ICA1: variants seen among roughly 807,000 people sequenced by gnomAD.
ICA1 encodes islet cell autoantigen 1.
In ICA1, 40 loss-of-function variants were observed where a neutral mutation model predicts 71.0. The ratio of observed to expected loss-of-function variants is 0.56; its 90% CI spans 0.44 to 0.73. ICA1 has a LOEUF of 0.73. Among genes scored for constraint, ICA1 ranks in the 30% least tolerant of loss-of-function variants. The pLI is 0.00. For missense variants in ICA1, 578 were observed against 576.5 expected, an observed-to-expected ratio of 1.00 and a Z score of -0.03; for synonymous variants, 207 against 209.5, an observed-to-expected ratio of 0.99 and a Z score of 0.10.
rs143305909 is a variant in ICA1, at chr7:8,151,065, A to G, written c.804+6051T>C. ...GTTAAAGGAAATAGATTCACTTTCT[A>G]TATGTCAGTGCTGAACCTAGCAGTA... On this transcript the variant is annotated intron_variant, in intron 8 of 13. Transcript: ENST00000402384. Among the ~76,000 whole-genome samples, 251 of 152,364 alleles carry G rather than the reference A, an allele frequency of 1.6e-3. 1 individual carries two copies. Among genetic ancestry groups the G allele is most frequent in the African/African-American group, 5.9e-3 (244 of 41,576 alleles).
intron 1 of ICA1, among the ~76,000 whole-genome samples, chr7:8,261,790 G>A (rs1812539418): frequency 2.0e-5 from 3 of 152,178 alleles, no homozygotes; most frequent in Admixed American, 2.0e-4. Flanking sequence ...GGTGCTCCCA[G>A]CGCTGGGGCC....
Position 8,144,477 on chromosome 7 carries a change from TAAAA to T in ICA1, c.805-509_805-506del, listed in dbSNP as rs1268035310. On this transcript the variant is annotated intron_variant, in intron 8 of 13. Transcript: ENST00000402384. The surrounding 1 kb of genome is among the most constrained non-coding windows in gnomAD (Gnocchi z 4.5). ...AATAACAGAAAACAAAACCTTTTCT[TAAAA>T]AACCAAAAATAGTGGCTTAACATAT... is the stretch of plus-strand genomic sequence containing the variant. 2.0e-5 allele frequency among the ~76,000 whole-genome samples: 3 copies of T among 152,166 alleles called. No homozygotes were observed. The East Asian group carries it at 5.8e-4, about 29-fold the overall frequency.
intron 13 of ICA1, among the ~76,000 whole-genome samples, chr7:8,126,643 A>G (rs1789302277): frequency 6.6e-6 from 1 of 151,994 alleles, no homozygotes; most frequent in African/African-American, 2.4e-5. Context: ...TAATTGTTCC[A>G]GCTTTACCGT....
At chr7:8,174,925 G>A (rs116732522) in intron 6 of ICA1, among the ~76,000 whole-genome samples, 1 of 152,120 alleles carries the variant, frequency 6.6e-6, no homozygotes, top group South Asian at 2.1e-4. Flanking sequence ...GAGTGAGAAA[G>A]ACTTTAAACC....
chr7:8,152,777 TATCACCATCACCATCACCTCC>T (rs1799709004), intron 8 of ICA1, among the ~76,000 whole-genome samples: 6 of 75,966 alleles, frequency 7.9e-5, no homozygotes, highest in South Asian at 4.4e-4. Context: ...CCCCCACCAC[TATCACCATCACCATCACCTCC>T]ACCACCACCA....
intron 4 of ICA1, among the ~76,000 whole-genome samples, chr7:8,221,727 C>T (rs1398523375): frequency 1.3e-5 from 2 of 152,148 alleles, no homozygotes; most frequent in Non-Finnish European, 2.9e-5. Context: ...TTGGGTTTGT[C>T]AAGTATGACT....
intron 1 of ICA1, among the ~76,000 whole-genome samples, chr7:8,243,885 G>C (rs1178626044): frequency 6.6e-6 from 1 of 152,186 alleles, no homozygotes; most frequent in East Asian, 1.9e-4. Context: ...TCTTCAAGGA[G>C]AACTACAAAC....
At chr7:8,152,576 C>CACCACCATT (rs1562698869) in intron 8 of ICA1, among the ~76,000 whole-genome samples, 1 of 115,406 alleles carries the variant, frequency 8.7e-6, no homozygotes. Context: ...CCACCACCAC[C>CACCACCATT]ATCTCCTTCA....
intron 8 of ICA1, among the ~76,000 whole-genome samples, chr7:8,148,368 A>G (rs1797755431): frequency 6.6e-6 from 1 of 152,050 alleles, no homozygotes; most frequent in South Asian, 2.1e-4. Context: ...TCACTCACTG[A>G]TCCACCAAGA....
chr7:8,149,807 G>A (rs1798195567), intron 8 of ICA1, among the ~76,000 whole-genome samples: 1 of 152,128 alleles, frequency 6.6e-6, no homozygotes, highest in Non-Finnish European at 1.5e-5. Flanking sequence ...CAAAATAGTG[G>A]GGCATGTTTA....
chr7:8,221,346 G>C lies in ICA1; in HGVS notation c.309C>G (p.Phe103Leu), dbSNP rs2128423572. Residue 103 changes from phenylalanine (F) to leucine (L), a missense_variant, in exon 5 of 14, where the codon TTC becomes TTG. By Grantham distance (22) the Phe-to-Leu change is conservative. Transcript: ENST00000402384. ...ELGKFLRSQG[F>L]QDKTRAGKMM... ...TCTTTCCTGCTCTGGTTTTATCTTG[G>C]AAACCTTGGGATCGAAGAAATTTTC... 6.2e-7 allele frequency: 1 copy of C among 1,613,634 alleles called. No homozygotes were observed.
intron 1 of ICA1, among the ~76,000 whole-genome samples, chr7:8,248,500 G>A (rs1178035311): frequency 6.6e-6 from 1 of 152,096 alleles, no homozygotes; most frequent in African/African-American, 2.4e-5. Flanking sequence ...CAAGGAGGGT[G>A]GATTGTTTGA....
intron 6 of ICA1, among the ~76,000 whole-genome samples, chr7:8,217,479 T>C (rs1795756474): frequency 6.6e-6 from 1 of 152,192 alleles, no homozygotes; most frequent in Admixed American, 6.5e-5. Context: ...ATATCACAAT[T>C]ACAAATGGAT....
At chr7:8,175,968 G>A (rs530768712) in intron 6 of ICA1, among the ~76,000 whole-genome samples, 1 of 152,302 alleles carries the variant, frequency 6.6e-6, no homozygotes, top group East Asian at 1.9e-4. Flanking sequence ...ACGGCAAAGG[G>A]GAGAAAAAGG....
In ICA1 at chr7:8,235,927, G is replaced by A. The variant is rs1801714628; in HGVS notation, c.-1C>T. ...TTACTTACCATTTGTGTCCTGACAT[G>A]TTTTCTTCTTCTTCTATTGTTGATG... On this transcript the variant is annotated 5_prime_UTR_variant, in exon 2 of 14. Coordinates refer to ENST00000402384, the MANE Select transcript of ICA1 (RefSeq NM_001136020.3). 1 of 1,613,122 alleles carries A rather than the reference G, an allele frequency of 6.2e-7. No individual in the cohort carries two copies. Among genetic ancestry groups the A allele is most frequent in the Non-Finnish European group, 8.5e-7 (1 of 1,179,626 alleles).
chr7:8,194,724 T>G (rs539691230), intron 6 of ICA1, among the ~76,000 whole-genome samples: 2 of 152,194 alleles, frequency 1.3e-5, no homozygotes, highest in Non-Finnish European at 2.9e-5. Context: ...GTTAGGGCGT[T>G]TTATATAATA....
At position 8,210,231 on chromosome 7, in the gene ICA1, T is replaced by C. The variant is rs554227086; in HGVS notation, c.579+8074A>G. ...ACCAATTCAAGAGACACTTTGGAAG[T>C]AGAATTATTAGAAACAAGAGGCCTC... On this transcript the variant is annotated intron_variant, in intron 6 of 13. Transcript: ENST00000402384. 9.2e-5 allele frequency among the ~76,000 whole-genome samples: 14 copies of C among 152,216 alleles called. No homozygotes were observed. The East Asian group carries it at 2.1e-3, about 23-fold the overall frequency.
intron 6 of ICA1, among the ~76,000 whole-genome samples, chr7:8,164,684 G>T (rs1805244400): frequency 6.6e-6 from 1 of 152,158 alleles, no homozygotes; most frequent in Non-Finnish European, 1.5e-5. Flanking sequence ...TGCATTCAGG[G>T]AAAATTTTAA....
Position 8,234,180 on chromosome 7 carries a change from C to A in ICA1, c.18-1425G>T, listed in dbSNP as rs926563042. 1.3e-5 allele frequency among the ~76,000 whole-genome samples: 2 copies of A among 152,138 alleles called. No individual in the cohort carries two copies. Among genetic ancestry groups the A allele is most frequent in the Admixed American group, 6.5e-5 (1 of 15,282 alleles). On this transcript the variant is annotated intron_variant, in intron 2 of 13. Coordinates refer to ENST00000402384, the MANE Select transcript of ICA1 (RefSeq NM_001136020.3). This position sits in a 1 kb window ranked among gnomAD's most constrained non-coding sequence, Gnocchi z 4.5. Reference sequence around the variant, plus strand: ...GCAGGGAGCCGTGATCACACCACTGCACTTCATCCTGGGATACGGGGCGAG... The same window carrying A: ...GCAGGGAGCCGTGATCACACCACTGAACTTCATCCTGGGATACGGGGCGAG...
Sources: allele counts gnomAD v4.1 joint callset (sites outside exome capture counted in the v4.1 genomes callset), GRCh38; gene constraint gnomAD v4.1.1; non-coding constraint Gnocchi (gnomAD v3.1); transcripts MANE v1.5; gene names NCBI Gene and HGNC (gene_info 2026-07-23, HGNC 2026-07-21).